The following TSHZ2 variants were observed in gnomAD, a reference collection of about 807,000 sequenced individuals.
TSHZ2 encodes the protein teashirt zinc finger homeobox 2, also known as teashirt homolog 2.
TSHZ2 carries 21 observed loss-of-function variants against 74.4 expected under a neutral mutation model. The observed-to-expected ratio is 0.28, with a 90% CI of 0.20 to 0.41. The LOEUF is 0.41. Ranked by LOEUF, TSHZ2 falls within the 10% of genes least tolerant of loss-of-function variation. TSHZ2 has a pLI of 1.00. For missense variants in TSHZ2, 1,244 were observed against 1,293.5 expected (o/e 0.96, Z 0.59); for synonymous variants, 540 against 515.3 (o/e 1.05, Z -0.65).
chr20:53,124,419 A>T (rs1986892510), intron 1 of TSHZ2, among the ~76,000 whole-genome samples: 1 of 152,238 alleles, frequency 6.6e-6, no homozygotes, highest in Non-Finnish European at 1.5e-5. Context: ...TAGGTCACTG[A>T]TCAGTGACTG....
chr20:53,432,780 T>C (rs1600634285), intron 2 of TSHZ2, among the ~76,000 whole-genome samples: 1 of 152,202 alleles, frequency 6.6e-6, no homozygotes, highest in African/African-American at 2.4e-5. Context: ...TTTTGTTACT[T>C]AAGAAAATTC....
intron 1 of TSHZ2, among the ~76,000 whole-genome samples, chr20:53,030,534 A>T (rs1983597474): frequency 6.6e-6 from 1 of 152,186 alleles, no homozygotes; most frequent in African/African-American, 2.4e-5. Flanking sequence ...TCAATTTTTT[A>T]TATCATGGTT....
intron 2 of TSHZ2, among the ~76,000 whole-genome samples, chr20:53,464,707 GTCC>G (rs1481388975): frequency 6.6e-6 from 1 of 152,214 alleles, no homozygotes; most frequent in East Asian, 1.9e-4. Context: ...GGGCTCAAGA[GTCC>G]TCCTGCCTCT....
intron 1 of TSHZ2, among the ~76,000 whole-genome samples, chr20:53,199,711 A>C (rs1988954034): frequency 3.3e-5 from 5 of 152,162 alleles, no homozygotes. Flanking sequence ...GCTCAGTTAC[A>C]TCTGAAAAAC....
intron 2 of TSHZ2, among the ~76,000 whole-genome samples, chr20:53,427,809 T>G (rs1361045839): frequency 6.6e-6 from 1 of 152,176 alleles, no homozygotes; most frequent in East Asian, 1.9e-4. Context: ...AGCTGCATCC[T>G]GACTTCCAAG....
intron 1 of TSHZ2, among the ~76,000 whole-genome samples, chr20:53,064,786 G>C (rs1291978784): frequency 6.6e-6 from 1 of 152,098 alleles, no homozygotes; most frequent in Non-Finnish European, 1.5e-5. Context: ...GGGCCAAAAA[G>C]AAAGTCTATG....
At chr20:53,375,995 A>G (rs1981644357) in intron 2 of TSHZ2, among the ~76,000 whole-genome samples, 1 of 152,230 alleles carries the variant, frequency 6.6e-6, no homozygotes, top group African/African-American at 2.4e-5. Flanking sequence ...TGGTGTTACC[A>G]AGAAGTACAA....
At chr20:53,322,512 CAAA>C (rs1225665371) in intron 2 of TSHZ2, among the ~76,000 whole-genome samples, 2 of 136,124 alleles carry the variant, frequency 1.5e-5, no homozygotes, top group Admixed American at 7.5e-5. Context: ...GACCCTGTCT[CAAA>C]AAAAAAAAAG....
At chr20:53,102,375 A>G (rs189570700) in intron 1 of TSHZ2, among the ~76,000 whole-genome samples, 220 of 151,842 alleles carry the variant, frequency 1.4e-3, no homozygotes, top group Middle Eastern at 6.8e-3. Context: ...TTTTTGTCAC[A>G]TAGACCCAGT....
intron 1 of TSHZ2, among the ~76,000 whole-genome samples, chr20:53,226,387 C>T (rs1223507810): frequency 6.6e-6 from 1 of 151,958 alleles, no homozygotes; most frequent in Non-Finnish European, 1.5e-5. Flanking sequence ...GCTCTGTGCT[C>T]AGTAAATAGC....
At chr20:53,190,609 G>C (rs80277529) in intron 1 of TSHZ2, among the ~76,000 whole-genome samples, 1 of 152,096 alleles carries the variant, frequency 6.6e-6, no homozygotes, top group Non-Finnish European at 1.5e-5. Flanking sequence ...ATGAGGCTTC[G>C]CAGCTTGTTG....
chr20:53,494,619 T>C lies in TSHZ2; in HGVS notation c.*7484T>C, dbSNP rs550810895. 1 of 151,618 alleles carries C rather than the reference T, an allele frequency of 6.6e-6. No homozygotes were observed. The highest frequency in any genetic ancestry group is 2.1e-4 in the South Asian group (1 of 4,724). The allele number at this position is 151,618 out of a possible 1,614,324, so 9.4% of individuals were successfully genotyped here. On this transcript the variant is annotated 3_prime_UTR_variant, in exon 3 of 3. Transcript: ENST00000371497. ...TTAAATTATATCACAAAAGCCATTA[T>C]TTTTTGCATCCAAAGAGTTTTTTTT...
intron 1 of TSHZ2, among the ~76,000 whole-genome samples, chr20:53,089,221 C>T (rs1487326023): frequency 2.0e-5 from 3 of 150,378 alleles, no homozygotes; most frequent in Non-Finnish European, 2.9e-5. Context: ...ATAAAACATA[C>T]GTGGCACATC....
intron 2 of TSHZ2, among the ~76,000 whole-genome samples, chr20:53,473,645 A>C (rs1048929246): frequency 1.3e-5 from 2 of 151,026 alleles, no homozygotes; most frequent in African/African-American, 4.9e-5. Flanking sequence ...CAACGGAACA[A>C]AGCTGGATGG....
chr20:53,269,317 G>T (rs1350360055), intron 2 of TSHZ2, among the ~76,000 whole-genome samples: 1 of 142,780 alleles, frequency 7.0e-6, no homozygotes, highest in Non-Finnish European at 1.5e-5. Flanking sequence ...AATAAAGAGA[G>T]ATTGTAAGTA....
intron 1 of TSHZ2, among the ~76,000 whole-genome samples, chr20:53,177,695 T>C (rs1281413593): frequency 6.6e-6 from 1 of 151,980 alleles, no homozygotes; most frequent in Admixed American, 6.6e-5. Context: ...CAGTTTCTTC[T>C]ATCTAAAAGT....
chr20:53,021,606 CTGTT>C (rs1228124616), intron 1 of TSHZ2, among the ~76,000 whole-genome samples: 1 of 152,166 alleles, frequency 6.6e-6, no homozygotes, highest in East Asian at 1.9e-4. Flanking sequence ...ATATGCATCT[CTGTT>C]TTTTATTTTT....
At chr20:53,466,260 TAA>T (rs1219023172) in intron 2 of TSHZ2, among the ~76,000 whole-genome samples, 3 of 54,900 alleles carry the variant, frequency 5.5e-5, no homozygotes, top group African/African-American at 1.4e-4. Context: ...AAAATAAAAA[TAA>T]AAAAAAAAAA....
intron 2 of TSHZ2, among the ~76,000 whole-genome samples, chr20:53,458,448 C>CT (rs1242947588): frequency 6.6e-6 from 1 of 152,126 alleles, no homozygotes; most frequent in African/African-American, 2.4e-5. Flanking sequence ...ATTCTTCTCT[C>CT]TTTTTTTCTT....
Sources: gnomAD v4.1 joint callset for allele counts (sites outside exome capture counted in the v4.1 genomes callset) on GRCh38, gnomAD v4.1.1 for gene constraint, MANE v1.5 for transcripts, NCBI Gene and HGNC (gene_info 2026-07-23, HGNC 2026-07-21) for gene names.